The following ZFHX3 variants were observed in gnomAD, a reference collection of about 807,000 sequenced individuals.
ZFHX3 encodes zinc finger homeobox protein 3.
A neutral mutation model predicts 279.1 loss-of-function variants in ZFHX3; 42 were observed. The ratio of observed to expected loss-of-function variants is 0.15; its 90% CI spans 0.12 to 0.19. The LOEUF (loss-of-function observed/expected upper bound fraction) is 0.19, where lower values mean the gene tolerates loss of function less well. ZFHX3 is among the 10% of genes least tolerant of loss of function. ZFHX3 has a pLI of 1.00. For synonymous variants in ZFHX3, 2,293 were observed against 1,957.8 expected (o/e 1.17, Z -4.52); for missense variants, 4,981 against 4,754.0 (o/e 1.05, Z -1.40).
intron 5 of ZFHX3, among the ~76,000 whole-genome samples, chr16:73,239,996 C>G (rs2013070274): frequency 6.6e-6 from 1 of 151,172 alleles, no homozygotes; most frequent in East Asian, 2.0e-4. Context: ...ATGTGTGTTC[C>G]TGTTGAAGAT....
intron 3 of ZFHX3, among the ~76,000 whole-genome samples, chr16:73,352,890 C>T (rs1449726500): frequency 6.6e-6 from 1 of 152,186 alleles, no homozygotes; most frequent in Non-Finnish European, 1.5e-5. Flanking sequence ...TGCTATCCAG[C>T]CTGGCCTCCC....
chr16:73,533,810 C>A (rs998403929), intron 2 of ZFHX3, among the ~76,000 whole-genome samples: 2 of 152,178 alleles, frequency 1.3e-5, no homozygotes, highest in Non-Finnish European at 2.9e-5. Flanking sequence ...CTTCTTCTAA[C>A]CCATCAGGAA....
rs150509589 is a variant in ZFHX3 at position 73,607,836 on chromosome 16, T to C, written c.-1547+72344A>G. Among the ~76,000 whole-genome samples the C allele has an allele frequency of 5.9e-5, 9 of 152,160 alleles. No individual in the cohort carries two copies. The East Asian group carries it at 1.2e-3, about 20-fold the overall frequency. On this transcript the variant is annotated intron_variant, in intron 2 of 17. Transcript: ENST00000641206. ...ATCTCAACACTTTGGGAGGCTGAGGTGGGCAGATGGATCCCTTGAGCCCAG... is the reference window on the plus strand; with the variant it reads ...ATCTCAACACTTTGGGAGGCTGAGGCGGGCAGATGGATCCCTTGAGCCCAG...
intron 1 of ZFHX3, among the ~76,000 whole-genome samples, chr16:73,718,344 G>A (rs979004610): frequency 2.0e-4 from 30 of 152,168 alleles, no homozygotes; most frequent in Admixed American, 3.3e-4. Context: ...CCAGGAGGTG[G>A]AAGTTGCAGT....
chr16:73,252,644 G>A (rs557761258), intron 5 of ZFHX3, among the ~76,000 whole-genome samples: 34 of 152,252 alleles, frequency 2.2e-4, no homozygotes, highest in Admixed American at 3.9e-4. Flanking sequence ...GAGGAGACGG[G>A]CTACGGCTGA....
intron 1 of ZFHX3, among the ~76,000 whole-genome samples, chr16:73,854,727 C>A (rs1370328530): frequency 2.0e-4 from 12 of 59,518 alleles, no homozygotes; most frequent in African/African-American, 4.6e-4. Flanking sequence ...CCACCTTCCA[C>A]AAAAAAAAAA....
chr16:73,073,769 G>A (rs570461031), intron 8 of ZFHX3, among the ~76,000 whole-genome samples: 2 of 152,326 alleles, frequency 1.3e-5, no homozygotes, highest in East Asian at 3.9e-4. Flanking sequence ...AAAGTGCTGG[G>A]ATTACAGGCA....
chr16:73,682,916 GAGAGAA>G lies in ZFHX3; in HGVS notation c.-1607-2682_-1607-2677del, dbSNP rs1407419719. Among the ~76,000 whole-genome samples, 41 of 29,894 alleles carry G rather than the reference GAGAGAA, an allele frequency of 1.4e-3. 3 individuals carry two copies. The highest frequency in any genetic ancestry group is 3.0e-3 in the East Asian group (1 of 330). The allele number at this position is 29,894 out of a possible 152,430, so 19.6% of individuals were successfully genotyped here. A position where few individuals can be genotyped will look rare whatever the true frequency, so the allele number is the denominator to read the frequency against. On this transcript the variant is annotated intron_variant, in intron 1 of 17. Transcript: ENST00000641206. ...AAAGAAAGAAAGAAAGAGAAAGAAA[GAGAGAA>G]AGAGAAAGAAAGAAAGAAAGAAAGA...
intron 8 of ZFHX3, among the ~76,000 whole-genome samples, chr16:73,065,566 G>GGTGTGT (rs10540025): frequency 2.6e-3 from 377 of 144,684 alleles, no homozygotes; most frequent in Non-Finnish European, 4.4e-3. Flanking sequence ...AGCTTTTCCT[G>GGTGTGT]GTGTGTGTGT....
chr16:73,728,828 C>CAG (rs2053544392), intron 1 of ZFHX3, among the ~76,000 whole-genome samples: 1 of 151,732 alleles, frequency 6.6e-6, no homozygotes, highest in African/African-American at 2.4e-5. Flanking sequence ...CACACACACA[C>CAG]ACACACACAC....
chr16:73,525,498 G>C (rs1394368734), intron 2 of ZFHX3, among the ~76,000 whole-genome samples: 1 of 152,156 alleles, frequency 6.6e-6, no homozygotes, highest in Non-Finnish European at 1.5e-5. Flanking sequence ...GTTTCAAGAA[G>C]AACAAACAGA....
chr16:72,915,330 C>T (rs1206365243), intron 3 of ZFHX3, among the ~76,000 whole-genome samples: 1 of 152,188 alleles, frequency 6.6e-6, no homozygotes, highest in Non-Finnish European at 1.5e-5. Context: ...GGGCAGACAG[C>T]AGATCTTCCA....
At chr16:73,584,588 A>G (rs1280432559) in intron 2 of ZFHX3, among the ~76,000 whole-genome samples, 1 of 152,252 alleles carries the variant, frequency 6.6e-6, no homozygotes, top group East Asian at 1.9e-4. Flanking sequence ...GGGCATTACT[A>G]AAGGAAAGTC....
At chr16:73,883,196 T>C (rs1388322024) in intron 1 of ZFHX3, among the ~76,000 whole-genome samples, 1 of 152,144 alleles carries the variant, frequency 6.6e-6, no homozygotes, top group Non-Finnish European at 1.5e-5. Flanking sequence ...AAAACATTAT[T>C]AATATGTCAT....
chr16:73,213,770 T>C (rs1373573613), intron 5 of ZFHX3, among the ~76,000 whole-genome samples: 1 of 152,142 alleles, frequency 6.6e-6, no homozygotes, highest in Non-Finnish European at 1.5e-5. Context: ...GTTTCTGGCT[T>C]TCTCCTTTAT....
At chr16:73,792,712 G>A (rs956535300) in intron 1 of ZFHX3, among the ~76,000 whole-genome samples, 2 of 152,170 alleles carry the variant, frequency 1.3e-5, no homozygotes, top group African/African-American at 4.8e-5. Context: ...AATGGCAAGT[G>A]GTGGGTGAAG....
intron 1 of ZFHX3, among the ~76,000 whole-genome samples, chr16:73,785,238 A>G (rs1450955019): frequency 6.6e-6 from 1 of 152,196 alleles, no homozygotes; most frequent in Non-Finnish European, 1.5e-5. Context: ...TTATAACTAC[A>G]GTTCTTTTGT....
intron 5 of ZFHX3, among the ~76,000 whole-genome samples, chr16:73,206,758 C>T (rs2011820095): frequency 6.6e-6 from 1 of 152,144 alleles, no homozygotes; most frequent in Non-Finnish European, 1.5e-5. Context: ...TGGCTCATGC[C>T]TGTAATCCCA....
chr16:73,767,094 C>T (rs1247510686), intron 1 of ZFHX3, among the ~76,000 whole-genome samples: 2 of 152,006 alleles, frequency 1.3e-5, no homozygotes, highest in East Asian at 3.9e-4. Context: ...CATCACCACG[C>T]CTGGCTCATT....
Sources: gnomAD v4.1 joint callset for allele counts (sites outside exome capture counted in the v4.1 genomes callset) on GRCh38, gnomAD v4.1.1 for gene constraint, MANE v1.5 for transcripts, NCBI Gene and HGNC (gene_info 2026-07-23, HGNC 2026-07-21) for gene names.